EPHB1: variants seen among roughly 807,000 people sequenced by gnomAD.
EPHB1 encodes the protein EPH receptor B1.
EPHB1 carries 30 observed loss-of-function variants against 94.4 expected under a neutral mutation model. That is an observed-to-expected ratio of 0.32 (90% CI 0.24 to 0.43). EPHB1 has a LOEUF of 0.43. Among genes scored for constraint, EPHB1 ranks in the 20% least tolerant of loss-of-function variants. The probability of loss-of-function intolerance (pLI) is 1.00; values close to 1 mark genes in which losing one functional copy is unlikely to be tolerated. For missense variants in EPHB1, 1,055 were observed against 1,308.3 expected (o/e 0.81, Z 2.99); for synonymous variants, 522 against 489.1 (o/e 1.07, Z -0.89).
intron 3 of EPHB1, among the ~76,000 whole-genome samples, chr3:135,071,080 C>G (rs184239891): frequency 1.6e-4 from 25 of 152,322 alleles, no homozygotes; most frequent in African/African-American, 4.8e-4. Flanking sequence ...TACTGTCCCC[C>G]TCAAGGACTA....
At chr3:134,922,746 C>T (rs888061328) in intron 1 of EPHB1, among the ~76,000 whole-genome samples, 1 of 152,176 alleles carries the variant, frequency 6.6e-6, no homozygotes, top group Non-Finnish European at 1.5e-5. Context: ...GGATCCCACT[C>T]CTGCCAGACC....
Position 134,951,940 on chromosome 3 carries a change from A to C in EPHB1, c.693A>C (p.Glu231Asp). 1 of 1,614,034 alleles carries C rather than the reference A, an allele frequency of 6.2e-7. No individual in the cohort carries two copies. Among genetic ancestry groups the C allele is most frequent in the Non-Finnish European group, 8.5e-7 (1 of 1,179,892 alleles). The change falls in exon 3 of 16, where the codon GAA becomes GAC. Residue 231 changes from glutamate (E) to aspartate (D), a missense_variant. By Grantham distance (45) the Glu-to-Asp change is conservative. Transcript: ENST00000398015. The surrounding 1 kb of genome is among the most constrained non-coding windows in gnomAD (Gnocchi z 4.5). ...GCACATGCATCCCCAACGCAGAGGAAGTGGACGTGCCCATCAAACTCTACT... is the reference window on the plus strand; with the variant it reads ...GCACATGCATCCCCAACGCAGAGGACGTGGACGTGCCCATCAAACTCTACT... ...ARGTCIPNAE[E>D]VDVPIKLYCN...
intron 1 of EPHB1, among the ~76,000 whole-genome samples, chr3:134,907,797 C>G (rs2038366714): frequency 6.6e-6 from 1 of 152,150 alleles, no homozygotes; most frequent in Non-Finnish European, 1.5e-5. Flanking sequence ...GCCATGCCCA[C>G]AGTAGATGTC....
At chr3:134,822,211 G>A (rs1378131139) in intron 1 of EPHB1, among the ~76,000 whole-genome samples, 4 of 152,140 alleles carry the variant, frequency 2.6e-5, no homozygotes, top group Non-Finnish European at 5.9e-5. Flanking sequence ...GGCTCCTGGG[G>A]TCCTATCTGC....
At chr3:135,216,120 G>C (rs1943143263) in intron 12 of EPHB1, among the ~76,000 whole-genome samples, 1 of 152,150 alleles carries the variant, frequency 6.6e-6, no homozygotes, top group Admixed American at 6.5e-5. Context: ...GGCAACACCT[G>C]TGCTGTGACT....
intron 1 of EPHB1, among the ~76,000 whole-genome samples, chr3:134,913,599 C>T (rs924127569): frequency 6.6e-6 from 1 of 152,236 alleles, no homozygotes; most frequent in African/African-American, 2.4e-5. Flanking sequence ...AGAGGAAACA[C>T]TCTATGGCCG....
At chr3:134,931,878 A>G (rs149821429) in intron 2 of EPHB1, among the ~76,000 whole-genome samples, 93 of 152,276 alleles carry the variant, frequency 6.1e-4, no homozygotes, top group African/African-American at 2.1e-3. Flanking sequence ...GTGTCTGTAT[A>G]TATGCATACA....
chr3:135,129,178 GA>G (rs1000312415), intron 4 of EPHB1, among the ~76,000 whole-genome samples: 2 of 136,134 alleles, frequency 1.5e-5, no homozygotes, highest in African/African-American at 5.4e-5. Context: ...AAACAACATG[GA>G]AAAAAACCCT....
intron 1 of EPHB1, among the ~76,000 whole-genome samples, chr3:134,917,163 C>G (rs1391664311): frequency 2.1e-4 from 32 of 152,200 alleles, no homozygotes; most frequent in Non-Finnish European, 7.3e-5. Context: ...TAGAGGTCCC[C>G]TATAGTTTCT....
chr3:134,847,625 G>A (rs1043791198), intron 1 of EPHB1, among the ~76,000 whole-genome samples: 2 of 152,200 alleles, frequency 1.3e-5, no homozygotes, highest in African/African-American at 4.8e-5. Flanking sequence ...GCCCCAAGAT[G>A]AGGACAAGAA....
chr3:135,014,411 A>G (rs1486586838), intron 3 of EPHB1, among the ~76,000 whole-genome samples: 1 of 152,180 alleles, frequency 6.6e-6, no homozygotes, highest in Non-Finnish European at 1.5e-5. Flanking sequence ...TTTTATTCAC[A>G]GTTCATTTCT....
chr3:135,040,489 G>C (rs922464736), intron 3 of EPHB1, among the ~76,000 whole-genome samples: 1 of 152,242 alleles, frequency 6.6e-6, no homozygotes, highest in African/African-American at 2.4e-5. Flanking sequence ...CTGGGGCTGG[G>C]GGGCATTTGG....
chr3:134,975,619 C>T (rs1934157330), intron 3 of EPHB1, among the ~76,000 whole-genome samples: 2 of 152,114 alleles, frequency 1.3e-5, no homozygotes, highest in Admixed American at 1.3e-4. Flanking sequence ...CTTACATGAT[C>T]TCATTTAATC....
At chr3:135,142,814 C>A (rs1450668721) in intron 5 of EPHB1, among the ~76,000 whole-genome samples, 3 of 152,130 alleles carry the variant, frequency 2.0e-5, no homozygotes, top group Non-Finnish European at 4.4e-5. Context: ...GAGAGGAAGA[C>A]AAAGACTGAA....
At chr3:135,192,551 A>G in intron 10 of EPHB1, 25 bp from the exon 11 acceptor site, 2 of 1,610,832 alleles carry the variant, frequency 1.2e-6, no homozygotes, top group Non-Finnish European at 1.7e-6. Context: ...GGAAGAGGAT[A>G]TTAATGGCAT....
At chr3:134,989,386 T>G (rs902054537) in intron 3 of EPHB1, among the ~76,000 whole-genome samples, 2 of 152,224 alleles carry the variant, frequency 1.3e-5, no homozygotes, top group African/African-American at 2.4e-5. Context: ...GCTGTTGATA[T>G]TCTACTTATG....
At chr3:135,221,855 G>A (rs1289354965) in intron 12 of EPHB1, among the ~76,000 whole-genome samples, 1 of 152,136 alleles carries the variant, frequency 6.6e-6, no homozygotes, top group Non-Finnish European at 1.5e-5. Flanking sequence ...TACAAAAGCT[G>A]ATGAATTAGA....
In EPHB1 at chr3:134,848,104, A is replaced by T. The variant is rs370892645; in HGVS notation, c.58+52415A>T. On this transcript the variant is annotated intron_variant, in intron 1 of 15. Transcript: ENST00000398015. ...CCCACATTCATAGTGGAGACTAATG[A>T]GTCTCTTATGCTCTGCATAAAGAGA... is the stretch of plus-strand genomic sequence containing the variant. Among the ~76,000 whole-genome samples, 18 of 152,302 alleles carry T rather than the reference A, an allele frequency of 1.2e-4. 1 individual carries two copies. The highest frequency in any genetic ancestry group is 4.3e-4 in the African/African-American group (18 of 41,566).
chr3:135,088,629 A>T (rs1013824302), intron 3 of EPHB1, among the ~76,000 whole-genome samples: 1 of 152,186 alleles, frequency 6.6e-6, no homozygotes, highest in Admixed American at 6.5e-5. Flanking sequence ...TCCAACCATC[A>T]TGTCTACTTT....
Sources: gnomAD v4.1 joint callset for allele counts (sites outside exome capture counted in the v4.1 genomes callset) on GRCh38, gnomAD v4.1.1 for gene constraint, Gnocchi (gnomAD v3.1) non-coding constraint, MANE v1.5 for transcripts, NCBI Gene and HGNC (gene_info 2026-07-23, HGNC 2026-07-21) for gene names.